The following ARHGEF9 variants were observed in gnomAD, a reference collection of about 807,000 sequenced individuals.
ARHGEF9 encodes the protein rho guanine nucleotide exchange factor 9.
In ARHGEF9, 2 loss-of-function variants were observed where a neutral mutation model predicts 41.3. The ratio of observed to expected loss-of-function variants is 0.05; its 90% CI spans 0.02 to 0.15. The LOEUF (loss-of-function observed/expected upper bound fraction) is 0.15. Among genes scored for constraint, ARHGEF9 ranks in the 10% least tolerant of loss-of-function variants. The pLI, the probability that ARHGEF9 is intolerant of heterozygous loss-of-function variation, is 1.00. For missense variants in ARHGEF9, 225 were observed against 424.7 expected (o/e 0.53, Z 4.13); for synonymous variants, 160 against 154.4 (o/e 1.04, Z -0.27).
At chrX:63,748,800 A>C (rs2055431777) in intron 1 of ARHGEF9, among the ~76,000 whole-genome samples, 1 of 112,612 alleles carries the variant, frequency 8.9e-6, no homozygotes, top group Non-Finnish European at 1.9e-5. Flanking sequence ...GTGAGGGTTG[A>C]GAATCAGTAG....
chrX:63,682,548 G>C lies in ARHGEF9; in HGVS notation c.583-3976C>G, dbSNP rs1240879687. ...AAGAAGAAAAGAAAACTACAAGCCA[G>C]TATCACTAATGATCATAGGTATAAA... On this transcript the variant is annotated intron_variant, in intron 4 of 9. Transcript: ENST00000671741. Among the ~76,000 whole-genome samples the C allele has an allele frequency of 2.7e-5, 3 of 110,231 alleles. No individual in the cohort carries two copies. The South Asian group carries it at 1.2e-3, about 42-fold the overall frequency.
intron 1 of ARHGEF9, among the ~76,000 whole-genome samples, chrX:63,739,187 CTG>C (rs2054796775): frequency 8.9e-6 from 1 of 111,876 alleles, no homozygotes; most frequent in Non-Finnish European, 1.9e-5. Flanking sequence ...ACCCAAAAAA[CTG>C]TGAGGAGGTG....
intron 1 of ARHGEF9, among the ~76,000 whole-genome samples, chrX:63,734,655 C>T (rs782749724): frequency 2.1e-4 from 23 of 111,572 alleles, no homozygotes; most frequent in Non-Finnish European, 4.1e-4. Context: ...TGTCAGATTC[C>T]AGAAAGGCTG....
intron 6 of ARHGEF9, among the ~76,000 whole-genome samples, chrX:63,666,417 T>C (rs782312838): frequency 1.6e-3 from 145 of 89,389 alleles, no homozygotes; most frequent in Middle Eastern, 5.8e-3. Flanking sequence ...TATATATATA[T>C]ACACACACAC....
intron 1 of ARHGEF9, among the ~76,000 whole-genome samples, chrX:63,767,691 C>T (rs782654267): frequency 7.8e-4 from 88 of 112,362 alleles, no homozygotes; most frequent in Non-Finnish European, 1.3e-3. Context: ...ACAAAATAAA[C>T]GCTGGCTTGG....
chrX:63,657,621 A>G (rs1426993080), intron 7 of ARHGEF9: 1 of 111,769 alleles, frequency 8.9e-6, no homozygotes, highest in Non-Finnish European at 1.9e-5. Flanking sequence ...AGCTATACAG[A>G]GAGGGCCAAT....
chrX:63,668,326 T>C (rs1360344539), intron 6 of ARHGEF9, among the ~76,000 whole-genome samples: 41 of 110,658 alleles, frequency 3.7e-4, no homozygotes, highest in Admixed American at 2.9e-3. Flanking sequence ...TTAGTAGAGA[T>C]GATTTTTTGC....
At position 63,785,174 on chromosome X, in the gene ARHGEF9, GCC is replaced by G; in HGVS notation, c.-31_-30del. The G allele has an allele frequency of 8.6e-7, 1 of 1,161,603 alleles. No homozygotes were observed. The highest frequency in any genetic ancestry group is 1.2e-6 in the Non-Finnish European group (1 of 869,447). ...GCTTGCGAAGTCCGGCTTCTCTGAG[GCC>G]CCGTAGCTGGCGCGAGTTGTCGCGG... On this transcript the variant is annotated 5_prime_UTR_variant, in exon 1 of 10. Coordinates refer to ENST00000671741, the MANE Select transcript of ARHGEF9 (RefSeq NM_001353921.2).
At chrX:63,773,448 C>T (rs1556456065) in intron 1 of ARHGEF9, among the ~76,000 whole-genome samples, 1 of 112,058 alleles carries the variant, frequency 8.9e-6, no homozygotes, top group African/African-American at 3.2e-5. Flanking sequence ...TGTGTCTCCT[C>T]TGTCCTGTCA....
At chrX:63,757,825 C>T (rs2055961818) in intron 1 of ARHGEF9, among the ~76,000 whole-genome samples, 1 of 112,209 alleles carries the variant, frequency 8.9e-6, no homozygotes, top group Non-Finnish European at 1.9e-5. Flanking sequence ...TTTAAGGATC[C>T]ACTCCTTCTA....
chrX:63,667,241 C>A (rs1175170656), intron 6 of ARHGEF9, among the ~76,000 whole-genome samples: 1 of 111,959 alleles, frequency 8.9e-6, no homozygotes, highest in Non-Finnish European at 1.9e-5. Flanking sequence ...TCCCATTTTA[C>A]AGTTAGAGGT....
intron 3 of ARHGEF9, among the ~76,000 whole-genome samples, chrX:63,705,165 C>A (rs2052444764): frequency 8.9e-6 from 1 of 111,743 alleles, no homozygotes; most frequent in South Asian, 3.7e-4. Context: ...TTCATCATTG[C>A]AGGAAGTTCC....
At chrX:63,739,122 C>T (rs1383588358) in intron 1 of ARHGEF9, among the ~76,000 whole-genome samples, 1 of 111,639 alleles carries the variant, frequency 9.0e-6, no homozygotes, top group Non-Finnish European at 1.9e-5. Flanking sequence ...GATCAAGGCC[C>T]TCAAATATAT....
chrX:63,757,162 C>T (rs1472847778), intron 1 of ARHGEF9, among the ~76,000 whole-genome samples: 1 of 111,446 alleles, frequency 9.0e-6, no homozygotes, highest in Non-Finnish European at 1.9e-5. Context: ...TTGCAGTCCC[C>T]TTTTCTTCTC....
intron 2 of ARHGEF9, among the ~76,000 whole-genome samples, chrX:63,721,482 G>A (rs1466669673): frequency 4.5e-5 from 5 of 111,220 alleles, no homozygotes; most frequent in African/African-American, 1.6e-4. Context: ...ATCAGTAACA[G>A]GTTGTCATGT....
At chrX:63,770,566 T>A (rs1207333627) in intron 1 of ARHGEF9, among the ~76,000 whole-genome samples, 2 of 112,339 alleles carry the variant, frequency 1.8e-5, no homozygotes, top group Non-Finnish European at 3.8e-5. Context: ...AAATTGGTTT[T>A]AAAATGTAAA....
chrX:63,783,208 GTC>G (rs1238775197), intron 1 of ARHGEF9, among the ~76,000 whole-genome samples: 34 of 111,090 alleles, frequency 3.1e-4, no homozygotes, highest in Non-Finnish European at 5.3e-4. Flanking sequence ...GAGGAAGTAA[GTC>G]TCACCCTGAC....
intron 7 of ARHGEF9, among the ~76,000 whole-genome samples, chrX:63,663,768 G>C (rs1272916561): frequency 1.8e-5 from 2 of 111,851 alleles, no homozygotes; most frequent in Non-Finnish European, 3.8e-5. Context: ...ACCTTCTTTT[G>C]GTCCCATGAT....
At position 63,706,246 on chromosome X, in the gene ARHGEF9, C is replaced by A; in HGVS notation, c.402+12G>T. 8.4e-7 allele frequency: 1 copy of A among 1,191,947 alleles called. No homozygotes were observed. Among genetic ancestry groups the A allele is most frequent in the Non-Finnish European group, 1.1e-6 (1 of 884,426 alleles). ...TTCGTGGAAGTGCCTCCACATGAAC[C>A]ACCATGGTTACCTCACAAATATCCT... is the stretch of plus-strand genomic sequence containing the variant. On this transcript the variant is annotated intron_variant, in intron 3 of 9. Coordinates refer to ENST00000671741, the MANE Select transcript of ARHGEF9 (RefSeq NM_001353921.2).
Sources: gnomAD v4.1 joint callset for allele counts (sites outside exome capture counted in the v4.1 genomes callset) on GRCh38, gnomAD v4.1.1 for gene constraint, MANE v1.5 for transcripts, NCBI Gene and HGNC (gene_info 2026-07-23, HGNC 2026-07-21) for gene names.